The following ABR variants were observed in gnomAD, a reference collection of about 807,000 sequenced individuals.
The protein encoded by ABR is ABR activator of RhoGEF and GTPase, also known as active breakpoint cluster region-related protein.
In ABR, 35 loss-of-function variants were observed where a neutral mutation model predicts 107.2. The ratio of observed to expected loss-of-function variants is 0.33; its 90% CI spans 0.25 to 0.43. ABR has a LOEUF of 0.43. Among genes scored for constraint, ABR ranks in the 20% least tolerant of loss-of-function variants. The probability of loss-of-function intolerance (pLI) is 1.00; values close to 1 mark genes in which losing one functional copy is unlikely to be tolerated. For synonymous variants in ABR, 498 were observed against 462.0 expected (o/e 1.08, Z -1.00); for missense variants, 815 against 1,115.2 (o/e 0.73, Z 3.83).
At chr17:1,184,539 T>TA (rs2042232812), upstream of ABR, among the ~76,000 whole-genome samples, 1 of 152,190 alleles carries the variant, frequency 6.6e-6, no homozygotes, top group Non-Finnish European at 1.5e-5. Flanking sequence ...AAGGCTCAGG[T>TA]AGACTCCCAG....
At position 1,024,978 on chromosome 17, in the gene ABR, G is replaced by A. The variant is rs542190645; in HGVS notation, c.1792-11814C>T. On this transcript the variant is annotated intron_variant, in intron 16 of 22. Coordinates refer to ENST00000302538, the MANE Select transcript of ABR (RefSeq NM_021962.5). Reference sequence around the variant, plus strand: ...CTACTAAAAATACAAAAAATTAGCTGGGCGAGGTGGCGGGCGCCTGTAGTC... The same window carrying A: ...CTACTAAAAATACAAAAAATTAGCTAGGCGAGGTGGCGGGCGCCTGTAGTC... Among the ~76,000 whole-genome samples, 1,126 of 150,048 alleles carry A rather than the reference G, an allele frequency of 7.5e-3. 15 individuals carry two copies. The highest frequency in any genetic ancestry group is 9.2e-3 in the Non-Finnish European group (624 of 67,586).
intron 7 of ABR, 69 bp from the exon 8 acceptor site, chr17:1,072,823 C>T (rs977107485): frequency 2.7e-5 from 41 of 1,540,666 alleles, no homozygotes; most frequent in Middle Eastern, 2.2e-4. Flanking sequence ...CCGGGGAGTG[C>T]TCAGTCCCCA....
chr17:1,174,753 A>G (rs1031543165), intron 1 of ABR, among the ~76,000 whole-genome samples: 16 of 152,200 alleles, frequency 1.1e-4, no homozygotes, highest in African/African-American at 3.9e-4. Context: ...CACCAGGACT[A>G]AATTACTTGG....
At chr17:1,031,369 C>T (rs755688419) in intron 16 of ABR, among the ~76,000 whole-genome samples, 30 of 152,286 alleles carry the variant, frequency 2.0e-4, no homozygotes, top group Admixed American at 1.1e-3. Flanking sequence ...TCCCTTCTCC[C>T]GAGGCAGGGG....
chr17:1,146,683 CACG>C (rs1017593843), intron 1 of ABR, among the ~76,000 whole-genome samples: 3 of 150,716 alleles, frequency 2.0e-5, no homozygotes, highest in African/African-American at 4.9e-5. Context: ...ACCACTGCCA[CACG>C]ACACCACTGC....
Position 1,050,781 on chromosome 17 carries a change from G to T in ABR, c.1562-147C>A. 2 of 682,076 alleles carry T rather than the reference G, an allele frequency of 2.9e-6. No individual in the cohort carries two copies. Among genetic ancestry groups the T allele is most frequent in the East Asian group, 2.7e-5 (1 of 36,640 alleles). 42.3% of individuals were successfully genotyped at this position (682,076 alleles called of 1,614,324 possible). A position where few individuals can be genotyped will look rare whatever the true frequency, so the allele number is the denominator to read the frequency against. Reference sequence around the variant, plus strand: ...CTTGGCTCTCTCCTCCCTGAAGCCCGGGACCATCTGGCTTCTCCCCTGCCC... The same window carrying T: ...CTTGGCTCTCTCCTCCCTGAAGCCCTGGACCATCTGGCTTCTCCCCTGCCC... On this transcript the variant is annotated intron_variant, in intron 14 of 22. Transcript: ENST00000302538. This position sits in a 1 kb window ranked among gnomAD's most constrained non-coding sequence, Gnocchi z 4.6.
intron 14 of ABR, among the ~76,000 whole-genome samples, chr17:1,053,636 A>C (rs987551112): frequency 2.0e-5 from 3 of 152,146 alleles, no homozygotes; most frequent in African/African-American, 7.2e-5. Context: ...CTCACCTCTG[A>C]GTGAGAACAG....
chr17:1,164,602 A>G (rs1404760034), intron 1 of ABR, among the ~76,000 whole-genome samples: 1 of 152,240 alleles, frequency 6.6e-6, no homozygotes, highest in Non-Finnish European at 1.5e-5. Context: ...CCCAGTGAAC[A>G]TGAACGTCGG....
At chr17:1,024,048 A>AAAAAAAAACAAC (rs1567596985) in intron 16 of ABR, among the ~76,000 whole-genome samples, 1 of 148,496 alleles carries the variant, frequency 6.7e-6, no homozygotes, top group Non-Finnish European at 1.5e-5. Context: ...AAAAAAAAAA[A>AAAAAAAAACAAC]AGCAGCATCA....
chr17:1,074,197 C>A (rs531713167), intron 6 of ABR, among the ~76,000 whole-genome samples: 1 of 148,704 alleles, frequency 6.7e-6, no homozygotes, highest in South Asian at 2.2e-4. Context: ...TCTAGCACAC[C>A]TGCCACACGC....
At chr17:1,064,464 ACTG>A (rs2034451643) in intron 10 of ABR, among the ~76,000 whole-genome samples, 2 of 104,250 alleles carry the variant, frequency 1.9e-5, no homozygotes, top group African/African-American at 7.1e-5. Context: ...TGTTACGTGA[ACTG>A]AGGGCTATGC....
chr17:1,179,744 G>A lies in ABR; in HGVS notation c.-17C>T, dbSNP rs762697628. 8.6e-6 allele frequency: 13 copies of A among 1,508,440 alleles called. No homozygotes were observed. In the East Asian group the frequency reaches 1.6e-4, roughly 18 times the overall value. The allele number at this position is 1,508,440 out of a possible 1,614,324, so 93.4% of individuals were successfully genotyped here. A position where few individuals can be genotyped will look rare whatever the true frequency, so the allele number is the denominator to read the frequency against. ...CGGCTCCATCCCGCGGCGGCGGCTC[G>A]GTCAGATCCGAAACCCGACCCTCAT... On this transcript the variant is annotated 5_prime_UTR_variant, in exon 1 of 23. Transcript: ENST00000302538. The surrounding 1 kb of genome is among the most constrained non-coding windows in gnomAD (Gnocchi z 4.9).
chr17:1,105,789 C>G (rs1359104355), intron 2 of ABR, among the ~76,000 whole-genome samples: 1 of 151,990 alleles, frequency 6.6e-6, no homozygotes, highest in Non-Finnish European at 1.5e-5. Context: ...CTGATTGAGT[C>G]TGGGAGGTGG....
chr17:1,222,645 C>T (rs1412807134), intron 1 of ABR, among the ~76,000 whole-genome samples: 8 of 152,330 alleles, frequency 5.3e-5, no homozygotes, highest in East Asian at 3.9e-4. Flanking sequence ...AGTGTGGTGG[C>T]TCATATCTGT....
intron 1 of ABR, among the ~76,000 whole-genome samples, chr17:1,217,717 C>A (rs531087361): frequency 6.6e-6 from 1 of 152,080 alleles, no homozygotes; most frequent in African/African-American, 2.4e-5. Context: ...TTTTTTGAGA[C>A]GGAGTCTTGC....
intron 21 of ABR, 61 bp from the exon 22 acceptor site, chr17:1,007,373 G>T (rs2070133027): frequency 6.2e-7 from 1 of 1,600,600 alleles, no homozygotes; most frequent in South Asian, 1.1e-5. Flanking sequence ...GGAGCTCCAG[G>T]ACCCTTGGCC....
At chr17:1,032,861 C>T (rs1046334265) in intron 16 of ABR, among the ~76,000 whole-genome samples, 3 of 152,188 alleles carry the variant, frequency 2.0e-5, no homozygotes, top group African/African-American at 7.2e-5. Flanking sequence ...TCTGCAGACC[C>T]CAGCACGGCA....
intron 6 of ABR, among the ~76,000 whole-genome samples, chr17:1,075,949 G>A (rs1236367054): frequency 2.0e-5 from 3 of 152,232 alleles, no homozygotes; most frequent in Non-Finnish European, 4.4e-5. Flanking sequence ...GGCTGAGGCA[G>A]GGGAATCTCT....
chr17:1,091,999 A>G (rs2037063062), intron 3 of ABR, 149 bp from the exon 4 acceptor site: 4 of 806,464 alleles, frequency 5.0e-6, no homozygotes, highest in East Asian at 2.6e-5. Flanking sequence ...CGAGCTTTGT[A>G]TCAAGGAGCC....
Sources: allele counts gnomAD v4.1 joint callset (sites outside exome capture counted in the v4.1 genomes callset), GRCh38; gene constraint gnomAD v4.1.1; non-coding constraint Gnocchi (gnomAD v3.1); transcripts MANE v1.5; gene names NCBI Gene and HGNC (gene_info 2026-07-23, HGNC 2026-07-21).